Variants in VAPA observed in about 807,000 individuals in gnomAD.
VAPA encodes the protein vesicle-associated membrane protein-associated protein A.
A neutral mutation model predicts 25.6 loss-of-function variants in VAPA; 6 were observed. The observed-to-expected ratio is 0.23, with a 90% CI of 0.13 to 0.46. The LOEUF (loss-of-function observed/expected upper bound fraction) is 0.46. Ranked by LOEUF, VAPA falls within the 20% of genes least tolerant of loss-of-function variation. The pLI, the probability that VAPA is intolerant of heterozygous loss-of-function variation, is 0.99. For missense variants in VAPA, 244 were observed against 302.1 expected (o/e 0.81, Z 1.43); for synonymous variants, 112 against 106.2 (o/e 1.05, Z -0.34).
At chr18:9,947,998 G>GGT (rs1445189868) in intron 4 of VAPA, 1 of 152,118 alleles carries the variant, frequency 6.6e-6, no homozygotes, top group Non-Finnish European at 1.5e-5. Flanking sequence ...AAGGGGCCTA[G>GGT]GTAGTATGTG....
intron 5 of VAPA, chr18:9,951,089 A>AC (rs2069485055): frequency 6.6e-6 from 1 of 152,136 alleles, no homozygotes; most frequent in African/African-American, 2.4e-5. Flanking sequence ...AATGAATTTT[A>AC]CCCATTTCTT....
intron 1 of VAPA, among the ~76,000 whole-genome samples, chr18:9,916,407 A>ATCC (rs2069112350): frequency 6.6e-6 from 1 of 152,224 alleles, no homozygotes; most frequent in Non-Finnish European, 1.5e-5. Context: ...TATGTGCCCC[A>ATCC]TCCCTCCCTT....
At chr18:9,916,936 G>A (rs575059169) in intron 1 of VAPA, among the ~76,000 whole-genome samples, 1 of 152,290 alleles carries the variant, frequency 6.6e-6, no homozygotes, top group South Asian at 2.1e-4. Flanking sequence ...CACCTAACAA[G>A]CATCTTGAAG....
At chr18:9,949,592 T>A (rs1401102340) in intron 4 of VAPA, 2 of 152,220 alleles carry the variant, frequency 1.3e-5, no homozygotes, top group Non-Finnish European at 1.5e-5. Flanking sequence ...TACCTAAAAT[T>A]ATTTTAAAGT....
At chr18:9,944,271 G>A (rs1230370460) in intron 4 of VAPA, among the ~76,000 whole-genome samples, 1 of 152,038 alleles carries the variant, frequency 6.6e-6, no homozygotes, top group Non-Finnish European at 1.5e-5. Flanking sequence ...TCATAAAATG[G>A]TTGAATATAC....
chr18:9,952,174 A>G (rs1390455782), intron 5 of VAPA, among the ~76,000 whole-genome samples: 4 of 152,196 alleles, frequency 2.6e-5, no homozygotes, highest in Non-Finnish European at 4.4e-5. Flanking sequence ...GAACCAGGGA[A>G]GTAGGTGAGA....
intron 1 of VAPA, among the ~76,000 whole-genome samples, chr18:9,927,474 C>CTTT (rs74852348): frequency 2.2e-5 from 3 of 135,678 alleles, no homozygotes; most frequent in Admixed American, 1.5e-4. Flanking sequence ...TACAGTGGTT[C>CTTT]TTTTTTTTTT....
At chr18:9,953,184 T>C (rs1323284931) in intron 5 of VAPA, among the ~76,000 whole-genome samples, 1 of 152,174 alleles carries the variant, frequency 6.6e-6, no homozygotes, top group Non-Finnish European at 1.5e-5. Flanking sequence ...AACCTTCTGC[T>C]CTAAAGACAT....
intron 3 of VAPA, 172 bp downstream of exon 3, chr18:9,936,385 T>A: frequency 2.2e-6 from 1 of 444,768 alleles, no homozygotes; most frequent in Non-Finnish European, 4.0e-6. Context: ...AAAGAATTTT[T>A]AAATAGTATT....
intron 1 of VAPA, among the ~76,000 whole-genome samples, chr18:9,923,019 A>T (rs997587642): frequency 1.3e-5 from 2 of 152,234 alleles, no homozygotes; most frequent in African/African-American, 4.8e-5. Context: ...TGTAATTGTT[A>T]TTCTGTAACA....
chr18:9,945,094 C>T (rs1345254748), intron 4 of VAPA: 3 of 1,607,520 alleles, frequency 1.9e-6, no homozygotes, highest in African/African-American at 1.3e-5. Flanking sequence ...TAGGAGTCTA[C>T]TAGTGTCAAT....
At chr18:9,943,587 A>G (rs890612134) in intron 4 of VAPA, among the ~76,000 whole-genome samples, 10 of 152,140 alleles carry the variant, frequency 6.6e-5, no homozygotes, top group Admixed American at 3.3e-4. Flanking sequence ...TGTTGTACAA[A>G]ATAGGGTTCT....
At chr18:9,950,366 A>T (rs757642595) in intron 4 of VAPA, 29 bp from the exon 5 acceptor site, 1 of 1,598,402 alleles carries the variant, frequency 6.3e-7, no homozygotes, top group Non-Finnish European at 8.5e-7. Context: ...TTGGTTAGTT[A>T]AAAAATTCCC....
At chr18:9,935,165 G>C (rs1264452664) in intron 2 of VAPA, among the ~76,000 whole-genome samples, 5 of 151,052 alleles carry the variant, frequency 3.3e-5, no homozygotes, top group Admixed American at 2.0e-4. Flanking sequence ...TAGAACTCAA[G>C]AGGCTATATG....
chr18:9,930,834 T>C lies in VAPA; in HGVS notation c.80-976T>C, dbSNP rs561791131. On this transcript the variant is annotated intron_variant, in intron 1 of 5. Transcript: ENST00000400000. ...TCTCATCCTAGTTCCAAATTTTTAT[T>C]TATTAGAAAATATTTTACTACTAAC... Among the ~76,000 whole-genome samples, 5 of 152,202 alleles carry C rather than the reference T, an allele frequency of 3.3e-5. No individual in the cohort carries two copies. The East Asian group carries it at 9.6e-4, about 29-fold the overall frequency.
chr18:9,950,709 C>A, intron 5 of VAPA, 141 bp downstream of exon 5: 1 of 746,790 alleles, frequency 1.3e-6, no homozygotes, highest in Non-Finnish European at 2.1e-6. Context: ...TTGCTCCCCA[C>A]CCTACTCCTC....
intron 1 of VAPA, among the ~76,000 whole-genome samples, chr18:9,920,367 A>G (rs755770141): frequency 2.6e-5 from 4 of 152,108 alleles, no homozygotes; most frequent in Non-Finnish European, 2.9e-5. Flanking sequence ...CAGTGGCGCT[A>G]TCTCGGCTCA....
At chr18:9,922,628 G>A (rs2069166794) in intron 1 of VAPA, among the ~76,000 whole-genome samples, 1 of 151,946 alleles carries the variant, frequency 6.6e-6, no homozygotes, top group South Asian at 2.1e-4. Context: ...ATAAATAGAT[G>A]GTTATAGGTT....
intron 1 of VAPA, among the ~76,000 whole-genome samples, chr18:9,918,291 C>A (rs2069128861): frequency 6.6e-6 from 1 of 152,190 alleles, no homozygotes; most frequent in Admixed American, 6.5e-5. Flanking sequence ...ACATGTACTT[C>A]TTTGACCATA....
Sources: allele counts gnomAD v4.1 joint callset (sites outside exome capture counted in the v4.1 genomes callset), GRCh38; gene constraint gnomAD v4.1.1; transcripts MANE v1.5; gene names NCBI Gene and HGNC (gene_info 2026-07-23, HGNC 2026-07-21).